The following GRID2 variants were observed in gnomAD, a reference collection of about 807,000 sequenced individuals.
GRID2 encodes glutamate ionotropic receptor delta type subunit 2.
In GRID2, 33 loss-of-function variants were observed where a neutral mutation model predicts 114.8. That is an observed-to-expected ratio of 0.29 (90% confidence interval 0.22 to 0.38). The LOEUF (loss-of-function observed/expected upper bound fraction) is 0.38, where lower values mean the gene tolerates loss of function less well. GRID2 is among the 10% of genes least tolerant of loss of function. The pLI is 1.00. For synonymous variants in GRID2, 505 were observed against 449.9 expected (o/e 1.12, Z -1.55); for missense variants, 1,184 against 1,257.7 (o/e 0.94, Z 0.89).
Position 92,661,309 on chromosome 4 carries a change from G to T in GRID2, c.244+71023G>T, listed in dbSNP as rs975484111. 2.0e-5 allele frequency among the ~76,000 whole-genome samples: 3 copies of T among 150,776 alleles called. No individual in the cohort carries two copies. In the Admixed American group the frequency reaches 2.0e-4, roughly 10 times the overall value. The stretch of plus-strand genomic sequence containing the variant: ...CATTAAAAAGTCACCCTGTTTAAAA[G>T]TATCAAAAAATCTAACATCTAATGT... On this transcript the variant is annotated intron_variant, in intron 2 of 15. Transcript: ENST00000282020.
chr4:92,678,609 T>C (rs1733499045), intron 2 of GRID2, among the ~76,000 whole-genome samples: 1 of 151,860 alleles, frequency 6.6e-6, no homozygotes, highest in Admixed American at 6.6e-5. Context: ...TCCCATGTAG[T>C]TGGTGTTACT....
chr4:92,567,548 A>G (rs1727395880), intron 1 of GRID2, among the ~76,000 whole-genome samples: 1 of 152,068 alleles, frequency 6.6e-6, no homozygotes, highest in Non-Finnish European at 1.5e-5. Flanking sequence ...TTGCATTTAG[A>G]GAAATAAAGT....
intron 10 of GRID2, among the ~76,000 whole-genome samples, chr4:93,441,681 T>C (rs922723377): frequency 2.6e-5 from 4 of 151,930 alleles, no homozygotes; most frequent in Non-Finnish European, 5.9e-5. Context: ...TCAGAATGAA[T>C]ATTTGGAAGC....
At chr4:93,576,524 A>G (rs865823384) in intron 13 of GRID2, among the ~76,000 whole-genome samples, 2 of 152,214 alleles carry the variant, frequency 1.3e-5, no homozygotes, top group African/African-American at 4.8e-5. Context: ...CATTTTAACA[A>G]TAACTTCATA....
chr4:93,378,412 A>G (rs1423385663), intron 8 of GRID2, among the ~76,000 whole-genome samples: 4 of 152,090 alleles, frequency 2.6e-5, no homozygotes, highest in Non-Finnish European at 5.9e-5. Context: ...GGAAAGGTGC[A>G]TATCTGTTTT....
chr4:93,332,915 C>T (rs1336302913), intron 8 of GRID2, among the ~76,000 whole-genome samples: 1 of 152,108 alleles, frequency 6.6e-6, no homozygotes, highest in Non-Finnish European at 1.5e-5. Flanking sequence ...TTTTGATGTG[C>T]TGCGATCACC....
chr4:92,654,291 T>A (rs531017407), intron 2 of GRID2, among the ~76,000 whole-genome samples: 1 of 152,110 alleles, frequency 6.6e-6, no homozygotes, highest in African/African-American at 2.4e-5. Context: ...AAGAAGGCAC[T>A]AATCTCATCA....
chr4:93,770,309 T>C (rs1328671809), intron 15 of GRID2, among the ~76,000 whole-genome samples: 3 of 152,248 alleles, frequency 2.0e-5, no homozygotes, highest in South Asian at 2.1e-4. Context: ...ATGTGATGGA[T>C]AGCTTCAAAG....
intron 3 of GRID2, among the ~76,000 whole-genome samples, chr4:93,097,535 C>A (rs781407390): frequency 6.6e-6 from 1 of 151,690 alleles, no homozygotes; most frequent in Admixed American, 6.6e-5. Flanking sequence ...AATGCCTGGG[C>A]CTCATTCCAA....
chr4:92,339,559 TG>T (rs762963037), intron 1 of GRID2, among the ~76,000 whole-genome samples: 21 of 152,214 alleles, frequency 1.4e-4, no homozygotes, highest in Admixed American at 2.6e-4. Context: ...TAAATGGAGA[TG>T]GAACTGTGGA....
At chr4:92,884,587 G>C (rs1039560070) in intron 2 of GRID2, 5 of 155,730 alleles carry the variant, frequency 3.2e-5, no homozygotes, top group African/African-American at 1.2e-4. Context: ...CCTTTCACTT[G>C]AATTCTTAGA....
chr4:93,395,908 A>G (rs1765286602), intron 9 of GRID2, among the ~76,000 whole-genome samples, 200 bp downstream of exon 9: 1 of 151,946 alleles, frequency 6.6e-6, no homozygotes, highest in Non-Finnish European at 1.5e-5. Flanking sequence ...TTTTAACTAC[A>G]GTGTATGTGT....
At chr4:93,340,878 A>G (rs1004249138) in intron 8 of GRID2, among the ~76,000 whole-genome samples, 1 of 152,080 alleles carries the variant, frequency 6.6e-6, no homozygotes, top group African/African-American at 2.4e-5. Flanking sequence ...ATAGATTTTC[A>G]TTTAATACTC....
chr4:93,573,331 A>G (rs1736106513), intron 13 of GRID2, among the ~76,000 whole-genome samples: 1 of 152,204 alleles, frequency 6.6e-6, no homozygotes, highest in African/African-American at 2.4e-5. Context: ...ACAGAAAACT[A>G]GCACTAATGG....
At chr4:93,282,592 A>T (rs764899150) in intron 8 of GRID2, among the ~76,000 whole-genome samples, 2 of 152,010 alleles carry the variant, frequency 1.3e-5, no homozygotes, top group Admixed American at 1.3e-4. Flanking sequence ...GTCTTCATGA[A>T]CTAATTACCT....
At chr4:93,115,565 C>T (rs188567954) in intron 4 of GRID2, among the ~76,000 whole-genome samples, 347 of 152,066 alleles carry the variant, frequency 2.3e-3, no homozygotes, top group Non-Finnish European at 3.6e-3. Context: ...ATAATATTCC[C>T]TTGGTAAATG....
intron 4 of GRID2, among the ~76,000 whole-genome samples, chr4:93,171,492 T>G (rs1357952987): frequency 6.6e-6 from 1 of 152,250 alleles, no homozygotes; most frequent in Non-Finnish European, 1.5e-5. Flanking sequence ...TATATTTTAC[T>G]ATATGTTTAT....
chr4:93,612,262 T>C (rs1208503591), intron 13 of GRID2, among the ~76,000 whole-genome samples: 1 of 149,986 alleles, frequency 6.7e-6, no homozygotes, highest in African/African-American at 2.4e-5. Context: ...TGACTCTTTA[T>C]CCAACTTGCC....
chr4:92,956,704 G>A (rs760193838), intron 2 of GRID2, among the ~76,000 whole-genome samples: 8 of 152,110 alleles, frequency 5.3e-5, no homozygotes, highest in Non-Finnish European at 5.9e-5. Context: ...CCTACGGTAC[G>A]AGTATGTTTC....
Sources: allele counts gnomAD v4.1 joint callset (sites outside exome capture counted in the v4.1 genomes callset), GRCh38; gene constraint gnomAD v4.1.1; transcripts MANE v1.5; gene names NCBI Gene and HGNC (gene_info 2026-07-23, HGNC 2026-07-21).